MYADML2: variants seen among roughly 807,000 people sequenced by gnomAD.
MYADML2 encodes myeloid-associated differentiation marker-like protein 2.
In MYADML2, 17 loss-of-function variants were observed where a neutral mutation model predicts 16.0. That is an observed-to-expected ratio of 1.06 (90% CI 0.73 to 1.60). The LOEUF is 1.60. MYADML2 is among the 40% of genes most tolerant of loss of function. The pLI is 0.00. For synonymous variants in MYADML2, 210 were observed against 208.1 expected, an observed-to-expected ratio of 1.01 and a Z score of -0.08; for missense variants, 422 against 437.7, an observed-to-expected ratio of 0.96 and a Z score of 0.32.
intron 1 of MYADML2, among the ~76,000 whole-genome samples, chr17:81,944,322 G>A (rs1243359879): frequency 6.6e-6 from 1 of 151,716 alleles, no homozygotes; most frequent in Admixed American, 6.6e-5. Context: ...AGGCTGAGGT[G>A]GGAGAATGGC....
chr17:81,941,747 C>T lies in MYADML2; in HGVS notation c.-6G>A. ...GGCTCCATGGTGCTGCCCATCTGGCCAGCCACGTTTCCAGCTCACACAGTC... is the reference window on the plus strand; with the variant it reads ...GGCTCCATGGTGCTGCCCATCTGGCTAGCCACGTTTCCAGCTCACACAGTC... On this transcript the variant is annotated 5_prime_UTR_variant, in exon 3 of 3. Transcript: ENST00000409745. The T allele has an allele frequency of 6.7e-7, 1 of 1,497,518 alleles. No homozygotes were observed. Among genetic ancestry groups the T allele is most frequent in the Non-Finnish European group, 8.9e-7 (1 of 1,119,040 alleles). 92.8% of individuals were successfully genotyped at this position (1,497,518 alleles called of 1,614,324 possible).
chr17:81,940,809 C>T lies in MYADML2; in HGVS notation c.*9G>A, dbSNP rs1254606070. 6.7e-7 allele frequency: 1 copy of T among 1,488,092 alleles called. No individual in the cohort carries two copies. The highest frequency in any genetic ancestry group is 2.5e-5 in the East Asian group (1 of 40,322). 92.2% of individuals were successfully genotyped at this position (1,488,092 alleles called of 1,614,324 possible). A position where few individuals can be genotyped will look rare whatever the true frequency, so the allele number is the denominator to read the frequency against. ...CAGAGAGCAGAGGTGGGTGGGCTGC[C>T]ACTGTGGGCTACAGGCTGGGCACGA... On this transcript the variant is annotated 3_prime_UTR_variant, in exon 3 of 3. Transcript: ENST00000409745.
Position 81,940,138 on chromosome 17 carries a change from C to T in MYADML2, c.*680G>A, listed in dbSNP as rs1011451531. 4 of 152,292 alleles carry T rather than the reference C, an allele frequency of 2.6e-5. No individual in the cohort carries two copies. The highest frequency in any genetic ancestry group is 5.9e-5 in the Non-Finnish European group (4 of 68,080). The allele number at this position is 152,292 out of a possible 1,614,324, so 9.4% of individuals were successfully genotyped here. A position where few individuals can be genotyped will look rare whatever the true frequency, so the allele number is the denominator to read the frequency against. ...CTGCGGAGACTCCGGAGGAAGCCTG[C>T]TTCCAAACACTGTGGCTACCAGCCC... On this transcript the variant is annotated 3_prime_UTR_variant, in exon 3 of 3. Coordinates refer to ENST00000409745, the MANE Select transcript of MYADML2 (RefSeq NM_001145113.3).
chr17:81,943,212 G>C (rs2041319051), intron 1 of MYADML2, among the ~76,000 whole-genome samples: 1 of 150,952 alleles, frequency 6.6e-6, no homozygotes, highest in Non-Finnish European at 1.5e-5. Flanking sequence ...TGGGACTACA[G>C]GCACCTGCCA....
At position 81,945,827 on chromosome 17, in the gene MYADML2, G is replaced by A. The variant is rs144223001; in HGVS notation, c.-181+1232C>T. 7.3e-3 allele frequency among the ~76,000 whole-genome samples: 1,096 copies of A among 151,148 alleles called. 17 individuals carry two copies. The highest frequency in any genetic ancestry group is 0.025 in the African/African-American group (1,033 of 41,036). On this transcript the variant is annotated intron_variant, in intron 1 of 2. Transcript: ENST00000409745. ...GGGTGCAGTGAACTGTGATTATGCC[G>A]TCACACTCCAGCCCGGGCAACACAA... is the stretch of plus-strand genomic sequence containing the variant.
chr17:81,946,846 A>G (rs1280937291), intron 1 of MYADML2, among the ~76,000 whole-genome samples: 1 of 151,598 alleles, frequency 6.6e-6, no homozygotes, highest in Admixed American at 6.6e-5. Flanking sequence ...GCCTGGTGGT[A>G]TGTGACTGTA....
chr17:81,944,230 C>T (rs2041326810), intron 1 of MYADML2, among the ~76,000 whole-genome samples: 1 of 151,916 alleles, frequency 6.6e-6, no homozygotes, highest in Non-Finnish European at 1.5e-5. Context: ...CACAGTGAAA[C>T]CCCGTCTCTA....
At chr17:81,946,457 GCC>G (rs1567934771) in intron 1 of MYADML2, among the ~76,000 whole-genome samples, 3 of 151,656 alleles carry the variant, frequency 2.0e-5, no homozygotes, top group African/African-American at 7.3e-5. Flanking sequence ...GACCATCCTG[GCC>G]AACGTGGTGA....
At position 81,940,008 on chromosome 17, in the gene MYADML2, G is replaced by A. The variant is rs1405867504; in HGVS notation, c.*810C>T. 6.6e-6 allele frequency: 1 copy of A among 152,300 alleles called. No individual in the cohort carries two copies. The highest frequency in any genetic ancestry group is 1.5e-5 in the Non-Finnish European group (1 of 68,108). 9.4% of individuals were successfully genotyped at this position (152,300 alleles called of 1,614,324 possible). ...CGTCACAGCCAATGGTGAGTGTCCA[G>A]GTGGGGCTCCGTGGCTATGGCGGAA... On this transcript the variant is annotated 3_prime_UTR_variant, in exon 3 of 3. Transcript: ENST00000409745.
rs1470775354 is a variant in MYADML2 at position 81,939,822 on chromosome 17, G to A, written c.*996C>T. ...AGGAGAAGCTGGCTGGAGCCTGGAG[G>A]ATGATGGCCCCGGCGTCAGGAGTTT... On this transcript the variant is annotated 3_prime_UTR_variant, in exon 3 of 3. Transcript: ENST00000409745. 6.6e-6 allele frequency: 1 copy of A among 152,358 alleles called. No homozygotes were observed. The highest frequency in any genetic ancestry group is 2.4e-5 in the African/African-American group (1 of 41,454). 9.4% of individuals were successfully genotyped at this position (152,358 alleles called of 1,614,324 possible).
At position 81,940,631 on chromosome 17, in the gene MYADML2, G is replaced by C. The variant is rs1432577080; in HGVS notation, c.*187C>G. ...GTCTGCTCAGGGCCTCTGCCCTACT[G>C]TCCTGCCCTTGTCCCTCTGAGCCCA... is the stretch of plus-strand genomic sequence containing the variant. On this transcript the variant is annotated 3_prime_UTR_variant, in exon 3 of 3. Coordinates refer to ENST00000409745, the MANE Select transcript of MYADML2 (RefSeq NM_001145113.3). The C allele has an allele frequency of 1.2e-5, 8 of 647,124 alleles. 1 individual carries two copies. Among genetic ancestry groups the C allele is most frequent in the East Asian group, 8.3e-5 (3 of 36,284 alleles). 40.1% of individuals were successfully genotyped at this position (647,124 alleles called of 1,614,324 possible). A position where few individuals can be genotyped will look rare whatever the true frequency, so the allele number is the denominator to read the frequency against.
Position 81,941,269 on chromosome 17 carries a change from C to A in MYADML2, c.473G>T (p.Ser158Ile). The A allele has an allele frequency of 6.5e-7, 1 of 1,550,116 alleles. No homozygotes were observed. The highest frequency in any genetic ancestry group is 1.4e-5 in the African/African-American group (1 of 73,176). ...LTRARPGQVS[S>I]YMATVSGLLK... is the part of the protein sequence containing the mutation. ...GAGCCCCGACACCGTGGCCATATAG[C>A]TGCTCACCTGGCCGGGCCGGGCCCG... The change falls in exon 3 of 3, where the codon AGC (serine) becomes ATC (isoleucine). Residue 158 changes from serine to isoleucine, a missense_variant. Ser to Ile is a moderately radical substitution (Grantham distance 142, BLOSUM62 -2). Coordinates refer to ENST00000409745, the MANE Select transcript of MYADML2 (RefSeq NM_001145113.3).
chr17:81,945,335 C>G (rs867588744), intron 1 of MYADML2, among the ~76,000 whole-genome samples: 18 of 151,874 alleles, frequency 1.2e-4, no homozygotes, highest in South Asian at 2.1e-4. Context: ...GTCAGGAGAT[C>G]GAGACCATCC....
At chr17:81,945,509 A>G (rs2041338156) in intron 1 of MYADML2, among the ~76,000 whole-genome samples, 1 of 151,920 alleles carries the variant, frequency 6.6e-6, no homozygotes, top group Non-Finnish European at 1.5e-5. Flanking sequence ...ACTGCACTCC[A>G]GCCTGGGCAA....
At chr17:81,946,453 C>T (rs576662248) in intron 1 of MYADML2, among the ~76,000 whole-genome samples, 9 of 151,728 alleles carry the variant, frequency 5.9e-5, no homozygotes, top group African/African-American at 1.2e-4. Context: ...TCGAGACCAT[C>T]CTGGCCAACG....
At chr17:81,945,793 G>A (rs1407357455) in intron 1 of MYADML2, among the ~76,000 whole-genome samples, 1 of 151,308 alleles carries the variant, frequency 6.6e-6, no homozygotes, top group Non-Finnish European at 1.5e-5. Context: ...CTTAATCCCA[G>A]GAGGTTGAGG....
chr17:81,941,307 C>T lies in MYADML2; in HGVS notation c.435G>A (p.Glu145=). 5 of 1,549,948 alleles carry T rather than the reference C, an allele frequency of 3.2e-6. No homozygotes were observed. Among genetic ancestry groups the T allele is most frequent in the African/African-American group, 1.4e-5 (1 of 73,154 alleles). ...CGGGCCGGGCCCGCGTCAGGGCCACCTCCACAGCGTAGGCCAGGAAGAGGA... is the reference window on the plus strand; with the variant it reads ...CGGGCCGGGCCCGCGTCAGGGCCACTTCCACAGCGTAGGCCAGGAAGAGGA... ...AGLLFLAYAV[E]VALTRARPGQ... Residue 145 remains glutamate, a synonymous_variant, in exon 3 of 3, where the codon GAG becomes GAA. Transcript: ENST00000409745.
At position 81,939,686 on chromosome 17, in the gene MYADML2, A is replaced by G. The variant is rs990029389; in HGVS notation, c.*1132T>C. On this transcript the variant is annotated 3_prime_UTR_variant, in exon 3 of 3. Coordinates refer to ENST00000409745, the MANE Select transcript of MYADML2 (RefSeq NM_001145113.3). ...CATTTATTTCCTGCTCAAGGACGTC[A>G]ATGGGGCCCAGTCAATGGGCTGAGG... is the stretch of plus-strand genomic sequence containing the variant. The G allele has an allele frequency of 1.3e-5, 2 of 152,282 alleles. No individual in the cohort carries two copies. Among genetic ancestry groups the G allele is most frequent in the African/African-American group, 4.8e-5 (2 of 41,470 alleles). 9.4% of individuals were successfully genotyped at this position (152,282 alleles called of 1,614,324 possible).
intron 1 of MYADML2, among the ~76,000 whole-genome samples, chr17:81,943,195 G>A (rs1240457173): frequency 6.6e-6 from 1 of 150,390 alleles, no homozygotes; most frequent in Non-Finnish European, 1.5e-5. Context: ...TCAACCTCCC[G>A]AGTACCTGGG....
Sources: allele counts gnomAD v4.1 joint callset (sites outside exome capture counted in the v4.1 genomes callset), GRCh38; gene constraint gnomAD v4.1.1; transcripts MANE v1.5; gene names NCBI Gene and HGNC (gene_info 2026-07-23, HGNC 2026-07-21).